MAP7: variants seen among roughly 807,000 people sequenced by gnomAD.
The protein encoded by MAP7 is ensconsin.
A neutral mutation model predicts 94.8 loss-of-function variants in MAP7; 52 were observed. The ratio of observed to expected loss-of-function variants is 0.55; its 90% CI spans 0.44 to 0.69. MAP7 has a LOEUF of 0.69. MAP7 is among the 30% of genes least tolerant of loss of function. MAP7 has a pLI of 0.00. For missense variants in MAP7, 940 were observed against 964.6 expected (o/e 0.97, Z 0.34); for synonymous variants, 350 against 357.0 (o/e 0.98, Z 0.22).
intron 1 of MAP7, among the ~76,000 whole-genome samples, chr6:136,488,436 G>A (rs969781792): frequency 6.0e-5 from 9 of 149,250 alleles, no homozygotes; most frequent in South Asian, 2.1e-4. Context: ...TATGTGCCAT[G>A]CTAGGTACTT....
intron 3 of MAP7, among the ~76,000 whole-genome samples, chr6:136,410,858 C>A (rs145823854): frequency 7.1e-4 from 108 of 152,300 alleles, no homozygotes; most frequent in African/African-American, 2.5e-3. Flanking sequence ...AATTTTGATA[C>A]CCTGTCAGTC....
chr6:136,492,659 T>C (rs1934163433), intron 1 of MAP7, among the ~76,000 whole-genome samples: 1 of 152,170 alleles, frequency 6.6e-6, no homozygotes, highest in Non-Finnish European at 1.5e-5. Flanking sequence ...TAAAGGGCAA[T>C]ATTTCCATAA....
chr6:136,431,824 C>T (rs1287220565), intron 1 of MAP7, among the ~76,000 whole-genome samples: 1 of 152,096 alleles, frequency 6.6e-6, no homozygotes, highest in Non-Finnish European at 1.5e-5. Flanking sequence ...GGCCTTGATG[C>T]TTCTTTTCTA....
At chr6:136,538,693 G>A (rs1829072032) in intron 1 of MAP7, among the ~76,000 whole-genome samples, 1 of 150,650 alleles carries the variant, frequency 6.6e-6, no homozygotes, top group Admixed American at 6.6e-5. Flanking sequence ...TCAGGGGGCT[G>A]AGATGGGAGG....
chr6:136,395,573 T>G (rs530299912), intron 3 of MAP7, among the ~76,000 whole-genome samples: 1 of 152,308 alleles, frequency 6.6e-6, no homozygotes, highest in African/African-American at 2.4e-5. Flanking sequence ...TAATCCTATT[T>G]GTCTATTTTT....
At chr6:136,449,358 AAC>A (rs1800398009) in intron 1 of MAP7, among the ~76,000 whole-genome samples, 6 of 152,212 alleles carry the variant, frequency 3.9e-5, no homozygotes, top group Admixed American at 3.9e-4. Flanking sequence ...ATTTAAATTT[AAC>A]AGAGTTTAAC....
chr6:136,544,871 G>T (rs548825368), intron 1 of MAP7, among the ~76,000 whole-genome samples: 1 of 152,230 alleles, frequency 6.6e-6, no homozygotes, highest in African/African-American at 2.4e-5. Flanking sequence ...AAGCCGGGAG[G>T]ATCACTTGAG....
chr6:136,466,052 AT>A (rs1335653211), intron 1 of MAP7, among the ~76,000 whole-genome samples: 6 of 152,236 alleles, frequency 3.9e-5, no homozygotes, highest in African/African-American at 7.2e-5. Context: ...AATGTAGTCT[AT>A]AAAGTTCCAA....
intron 2 of MAP7, among the ~76,000 whole-genome samples, chr6:136,417,942 G>T (rs1222500900): frequency 1.3e-5 from 2 of 152,146 alleles, no homozygotes; most frequent in Admixed American, 6.5e-5. Context: ...TAATGAATTT[G>T]GGTATCTGCT....
intron 2 of MAP7, among the ~76,000 whole-genome samples, chr6:136,412,921 G>A (rs772997812): frequency 2.6e-4 from 39 of 152,308 alleles, no homozygotes; most frequent in Non-Finnish European, 4.4e-4. Flanking sequence ...AGCACTTTGG[G>A]AGGCCGAGGC....
intron 1 of MAP7, among the ~76,000 whole-genome samples, chr6:136,441,803 C>T (rs530152498): frequency 1.0e-3 from 158 of 152,062 alleles, no homozygotes; most frequent in African/African-American, 3.6e-3. Context: ...TTTCTTGAAC[C>T]CAGGAATTGT....
intron 1 of MAP7, among the ~76,000 whole-genome samples, chr6:136,542,075 A>G (rs776188070): frequency 6.6e-6 from 1 of 152,226 alleles, no homozygotes. Flanking sequence ...TATATTTAAA[A>G]AAAATTTCAA....
At chr6:136,494,492 A>C (rs774832269) in intron 1 of MAP7, among the ~76,000 whole-genome samples, 1 of 152,208 alleles carries the variant, frequency 6.6e-6, no homozygotes, top group Non-Finnish European at 1.5e-5. Flanking sequence ...CTGTTAAAAA[A>C]ATCCTCTGGT....
intron 2 of MAP7, among the ~76,000 whole-genome samples, chr6:136,418,351 G>A (rs548036987): frequency 6.6e-6 from 1 of 152,088 alleles, no homozygotes; most frequent in African/African-American, 2.4e-5. Context: ...AGTAGCTGGG[G>A]TTATGGGCGC....
chr6:136,394,945 T>TG (rs1554243181), intron 3 of MAP7, among the ~76,000 whole-genome samples: 1 of 102,008 alleles, frequency 9.8e-6, no homozygotes, highest in African/African-American at 4.3e-5. Flanking sequence ...TATATATATA[T>TG]ATATATATAT....
At chr6:136,520,698 A>C (rs942290857) in intron 1 of MAP7, among the ~76,000 whole-genome samples, 1 of 152,216 alleles carries the variant, frequency 6.6e-6, no homozygotes, top group Non-Finnish European at 1.5e-5. Flanking sequence ...ACCCAAGGAA[A>C]GTCTGGAGAA....
intron 1 of MAP7, among the ~76,000 whole-genome samples, chr6:136,449,022 A>C (rs898602091): frequency 6.8e-6 from 1 of 146,836 alleles, no homozygotes; most frequent in African/African-American, 2.5e-5. Flanking sequence ...AAAAAAAAAG[A>C]AGCAAGCCAG....
chr6:136,434,078 G>A (rs772647449), intron 1 of MAP7, among the ~76,000 whole-genome samples: 12 of 152,122 alleles, frequency 7.9e-5, no homozygotes, highest in Non-Finnish European at 1.5e-4. Context: ...GTGCCAGGGC[G>A]AGTGGATCGC....
chr6:136,428,420 T>A (rs1214111257), intron 1 of MAP7, among the ~76,000 whole-genome samples: 6 of 152,092 alleles, frequency 3.9e-5, no homozygotes, highest in Admixed American at 1.3e-4. Flanking sequence ...CTCGGGAGGC[T>A]GAGGCAGGAG....
Sources: gnomAD v4.1 joint callset for allele counts (sites outside exome capture counted in the v4.1 genomes callset) on GRCh38, gnomAD v4.1.1 for gene constraint, MANE v1.5 for transcripts, NCBI Gene and HGNC (gene_info 2026-07-23, HGNC 2026-07-21) for gene names.